The following UFC1 variants were observed in gnomAD, a reference collection of about 807,000 sequenced individuals.
The protein encoded by UFC1 is ubiquitin-fold modifier conjugating enzyme 1.
In UFC1, 22 loss-of-function variants were observed where a neutral mutation model predicts 28.0. The observed-to-expected ratio is 0.78, with a 90% CI of 0.56 to 1.12. The LOEUF is 1.12. Ranked by LOEUF, UFC1 falls within the 50% of genes most tolerant of loss-of-function variation. UFC1 has a pLI of 0.00. For missense variants in UFC1, 189 were observed against 207.8 expected (o/e 0.91, Z 0.56); for synonymous variants, 61 against 74.5 (o/e 0.82, Z 0.93).
Position 161,158,763 on chromosome 1 carries a change from C to T in UFC1, c.*271C>T, listed in dbSNP as rs1288016469. ...ATCCGCCCCCAGGTGGAGCAACATG[C>T]GATTCTGGAGGCACGGGGGTAACTG... is the stretch of plus-strand genomic sequence containing the variant. On this transcript the variant is annotated 3_prime_UTR_variant, in exon 6 of 6. Coordinates refer to ENST00000368003, the MANE Select transcript of UFC1 (RefSeq NM_016406.4). The T allele has an allele frequency of 4.3e-6, 2 of 460,272 alleles. No individual in the cohort carries two copies. The highest frequency in any genetic ancestry group is 4.0e-5 in the East Asian group (1 of 24,904). The allele number at this position is 460,272 out of a possible 1,614,324, so 28.5% of individuals were successfully genotyped here. A position where few individuals can be genotyped will look rare whatever the true frequency, so the allele number is the denominator to read the frequency against.
At position 161,157,351 on chromosome 1, in the gene UFC1, G is replaced by A. The variant is rs370992756; in HGVS notation, c.255+34G>A. 1.9e-3 allele frequency: 3,032 copies of A among 1,612,132 alleles called. 7 individuals carry two copies. Among genetic ancestry groups the A allele is most frequent in the Non-Finnish European group, 2.2e-3 (2,647 of 1,178,254 alleles). ...GATAGAGTGGGAAATATGAAGGTTA[G>A]TAGAAGGGGAGGGATTAGATGATGG... On this transcript the variant is annotated intron_variant, in intron 3 of 5. Transcript: ENST00000368003.
chr1:161,154,514 C>T (rs1019069595), intron 1 of UFC1, among the ~76,000 whole-genome samples: 9 of 152,170 alleles, frequency 5.9e-5, no homozygotes, highest in Non-Finnish European at 1.2e-4. Context: ...TTGACGGAGT[C>T]TCGCTCTGTT....
Position 161,158,539 on chromosome 1 carries a change from G to A in UFC1, c.*47G>A. ...GGCAGAGGGACCTTTGATAGGCTACGATACTATTTTCCTGTGCATCACACT... is the reference window on the plus strand; with the variant it reads ...GGCAGAGGGACCTTTGATAGGCTACAATACTATTTTCCTGTGCATCACACT... On this transcript the variant is annotated 3_prime_UTR_variant, in exon 6 of 6. Transcript: ENST00000368003. 1 of 1,597,890 alleles carries A rather than the reference G, an allele frequency of 6.3e-7. No individual in the cohort carries two copies. The highest frequency in any genetic ancestry group is 8.6e-7 in the Non-Finnish European group (1 of 1,165,542).
chr1:161,158,507 G>A lies in UFC1; in HGVS notation c.*15G>A, dbSNP rs1657624225. 6.2e-7 allele frequency: 1 copy of A among 1,614,040 alleles called. No homozygotes were observed. The highest frequency in any genetic ancestry group is 8.5e-7 in the Non-Finnish European group (1 of 1,179,902). On this transcript the variant is annotated 3_prime_UTR_variant, in exon 6 of 6. Transcript: ENST00000368003. ...GCAACCAATGAAGAATCAAGCCACT[G>A]AGGCAGGGCAGAGGGACCTTTGATA...
intron 1 of UFC1, among the ~76,000 whole-genome samples, chr1:161,156,580 G>A (rs957605201): frequency 4.1e-5 from 6 of 146,690 alleles, no homozygotes; most frequent in African/African-American, 1.3e-4. Flanking sequence ...AGTGGCTCAC[G>A]CCTGTAATCC....
intron 3 of UFC1, 133 bp downstream of exon 3, chr1:161,157,450 A>T: frequency 7.4e-7 from 1 of 1,343,706 alleles, no homozygotes; most frequent in Non-Finnish European, 1.1e-6. Context: ...GGTTTGAGGC[A>T]AGCATAAGTT....
rs770976024 is a variant in UFC1, at chr1:161,158,368, G to A, written c.424-44G>A. The A allele has an allele frequency of 3.1e-6, 5 of 1,610,752 alleles. No individual in the cohort carries two copies. In the South Asian group the frequency reaches 5.5e-5, roughly 18 times the overall value. ...GAAGGAGCTTCTAATGGAACAAGAAGCATTGACTGGTAGTAATCTCACAGG... is the reference window on the plus strand; with the variant it reads ...GAAGGAGCTTCTAATGGAACAAGAAACATTGACTGGTAGTAATCTCACAGG... On this transcript the variant is annotated intron_variant, in intron 5 of 5. Transcript: ENST00000368003.
At position 161,158,580 on chromosome 1, in the gene UFC1, C is replaced by T; in HGVS notation, c.*88C>T. 1 of 1,393,664 alleles carries T rather than the reference C, an allele frequency of 7.2e-7. No homozygotes were observed. The highest frequency in any genetic ancestry group is 1.0e-6 in the Non-Finnish European group (1 of 989,682). The allele number at this position is 1,393,664 out of a possible 1,614,324, so 86.3% of individuals were successfully genotyped here. On this transcript the variant is annotated 3_prime_UTR_variant, in exon 6 of 6. Coordinates refer to ENST00000368003, the MANE Select transcript of UFC1 (RefSeq NM_016406.4). ...GCATCACACTTAACTCATCTAACTGCTTCCCCGGACACCCTCCACCTCTAG... is the reference window on the plus strand; with the variant it reads ...GCATCACACTTAACTCATCTAACTGTTTCCCCGGACACCCTCCACCTCTAG...
In UFC1 at chr1:161,157,283, ACCT is replaced by A; in HGVS notation, c.225_227del (p.Leu76del). 6.2e-7 allele frequency: 1 copy of A among 1,614,212 alleles called. No individual in the cohort carries two copies. The highest frequency in any genetic ancestry group is 8.5e-7 in the Non-Finnish European group (1 of 1,180,038). ...TTTGGAAAATGCTGGTATATCCATG[ACCT>A]CCTGAAATATGAGTTTGACATCGAG... On this transcript the variant is annotated inframe_deletion, in exon 3 of 6. Coordinates refer to ENST00000368003, the MANE Select transcript of UFC1 (RefSeq NM_016406.4).
At chr1:161,155,778 A>C (rs1328144461) in intron 1 of UFC1, among the ~76,000 whole-genome samples, 1 of 152,272 alleles carries the variant, frequency 6.6e-6, no homozygotes, top group Non-Finnish European at 1.5e-5. Context: ...GTGAATGCTC[A>C]TACTGCCACC....
chr1:161,156,260 G>T (rs972097692), intron 1 of UFC1, among the ~76,000 whole-genome samples: 1 of 152,260 alleles, frequency 6.6e-6, no homozygotes. Context: ...GCTGGGCGTG[G>T]TGGCTCACGC....
chr1:161,158,171 AT>A lies in UFC1; in HGVS notation c.384del (p.Asn128LysfsTer7). ...CATTTCAAACCTTTGTGGGCCAGGA[AT>A]GTGCCCAAATTTGGACTAGCTCATC... ...TDHFKPLWAR[N>X]VPKFGLAHLM... On this transcript the variant is annotated frameshift_variant, in exon 5 of 6. Transcript: ENST00000368003. LOFTEE classifies it high-confidence loss of function. 2 of 1,614,226 alleles carry A rather than the reference AT, an allele frequency of 1.2e-6. No individual in the cohort carries two copies. The highest frequency in any genetic ancestry group is 1.7e-6 in the Non-Finnish European group (2 of 1,180,040).
At chr1:161,158,051 G>A in intron 4 of UFC1, 70 bp from the exon 5 acceptor site, 1 of 1,325,930 alleles carries the variant, frequency 7.5e-7, no homozygotes, top group Non-Finnish European at 1.1e-6. Flanking sequence ...GTCTTCCTAT[G>A]CCCCCAAGAG....
intron 2 of UFC1, 58 bp downstream of exon 2, chr1:161,157,075 G>A: frequency 1.9e-6 from 3 of 1,570,970 alleles, no homozygotes; most frequent in Middle Eastern, 1.7e-4. Context: ...TAGGCAATTT[G>A]GTATCCTAGC....
At chr1:161,157,719 G>A in intron 4 of UFC1, 26 bp downstream of exon 4, 2 of 1,603,458 alleles carry the variant, frequency 1.2e-6, no homozygotes, top group Non-Finnish European at 1.7e-6. Flanking sequence ...AGATGGCAAA[G>A]AGTCAAAGAA....
In UFC1 at chr1:161,154,125, G is replaced by C; in HGVS notation, c.123+5G>C. Reference sequence around the variant, plus strand: ...GAATATCAGTCCCTTATCCGGGTTAGTTGTGTTTCTACAGTCTAACGCGTA... The same window carrying C: ...GAATATCAGTCCCTTATCCGGGTTACTTGTGTTTCTACAGTCTAACGCGTA... On this transcript the variant is annotated splice_donor_5th_base_variant and intron_variant, in intron 1 of 5. Coordinates refer to ENST00000368003, the MANE Select transcript of UFC1 (RefSeq NM_016406.4). 6.2e-7 allele frequency: 1 copy of C among 1,614,082 alleles called. No homozygotes were observed. The highest frequency in any genetic ancestry group is 2.2e-5 in the East Asian group (1 of 44,876).
intron 2 of UFC1, 81 bp from the exon 3 acceptor site, chr1:161,157,173 C>T: frequency 1.9e-6 from 3 of 1,580,012 alleles, no homozygotes; most frequent in Non-Finnish European, 2.6e-6. Context: ...ATGAGTCTCC[C>T]AGGCTGGTGG....
At position 161,157,309 on chromosome 1, in the gene UFC1, G is replaced by A. The variant is rs139173256; in HGVS notation, c.247G>A (p.Glu83Lys). The A allele has an allele frequency of 1.2e-4, 187 of 1,614,092 alleles. 1 individual carries two copies. The African/African-American group carries it at 1.7e-3, about 15-fold the overall frequency. Residue 83 changes from glutamate (E) to lysine (K), a missense_variant, in exon 3 of 6, where the codon GAG becomes AAG. Glu to Lys is a moderately conservative substitution (Grantham distance 56). Coordinates refer to ENST00000368003, the MANE Select transcript of UFC1 (RefSeq NM_016406.4). ...CCTCCTGAAATATGAGTTTGACATCGAGTTTGACGTGAGTGTGATAGAGTG... is the reference window on the plus strand; with the variant it reads ...CCTCCTGAAATATGAGTTTGACATCAAGTTTGACGTGAGTGTGATAGAGTG... The part of the protein sequence containing the change: ...HDLLKYEFDI[E>K]FDIPITYPTT...
chr1:161,157,822 A>G (rs1657579786), intron 4 of UFC1, 129 bp downstream of exon 4: 1 of 786,014 alleles, frequency 1.3e-6, no homozygotes, highest in Non-Finnish European at 2.2e-6. Flanking sequence ...GGGATGATCT[A>G]TGTGTAAATC....
Sources: gnomAD v4.1 joint callset for allele counts (sites outside exome capture counted in the v4.1 genomes callset) on GRCh38, gnomAD v4.1.1 for gene constraint, MANE v1.5 for transcripts, NCBI Gene and HGNC (gene_info 2026-07-23, HGNC 2026-07-21) for gene names.